Variants in CALN1 observed in about 807,000 individuals in gnomAD.
The protein encoded by CALN1 is calcium-binding protein 8.
Under a neutral mutation model 30.6 loss-of-function variants are expected in CALN1, and 17 were observed. That is an observed-to-expected ratio of 0.56 (90% CI 0.38 to 0.83). The LOEUF is 0.83. CALN1 is among the 40% of genes least tolerant of loss of function. CALN1 has a pLI of 0.00. For missense variants in CALN1, 291 were observed against 354.9 expected, an observed-to-expected ratio of 0.82 and a Z score of 1.45; for synonymous variants, 156 against 131.4, an observed-to-expected ratio of 1.19 and a Z score of -1.28.
At chr7:72,475,437 C>T in the CALN1 span, among the ~76,000 whole-genome samples, 2 of 151,932 alleles carry the variant, frequency 1.3e-5, no homozygotes. Context: ...CCGGCCTGGG[C>T]GACAGAGTGA....
Position 71,935,019 on chromosome 7 carries a change from G to A in CALN1, c.501+88638C>T, listed in dbSNP as rs116642787. ...CCCTCCAACAACACATGGAAATTAT[G>A]GGAGCTATAATTCAAGATGAGATTT... On this transcript the variant is annotated intron_variant, in intron 5 of 6. Coordinates refer to ENST00000395275, the MANE Select transcript of CALN1 (RefSeq NM_031468.4). Among the ~76,000 whole-genome samples the A allele has an allele frequency of 4.8e-3, 738 of 152,266 alleles. 10 individuals are homozygous for A. Among genetic ancestry groups the A allele is most frequent in the African/African-American group, 0.017 (690 of 41,554 alleles).
intron 3 of CALN1, among the ~76,000 whole-genome samples, chr7:72,111,115 T>C (rs193200948): frequency 7.2e-5 from 11 of 152,348 alleles, no homozygotes; most frequent in Middle Eastern, 3.4e-3. Context: ...AATTAAACTT[T>C]ACTCCTCCAT....
At chr7:72,421,674 C>A (rs1199237266) in intron 1 of CALN1, among the ~76,000 whole-genome samples, 1 of 150,636 alleles carries the variant, frequency 6.6e-6, no homozygotes, top group Non-Finnish European at 1.5e-5. Context: ...ACAACCTCCG[C>A]CTCACAGGTT....
intron 4 of CALN1, among the ~76,000 whole-genome samples, chr7:72,075,392 G>GA (rs1486144667): frequency 6.6e-6 from 1 of 152,228 alleles, no homozygotes; most frequent in African/African-American, 2.4e-5. Context: ...CAATCAGGCT[G>GA]AAAGTTAAAA....
At chr7:71,864,732 T>C (rs1360934157) in intron 5 of CALN1, among the ~76,000 whole-genome samples, 1 of 152,188 alleles carries the variant, frequency 6.6e-6, no homozygotes, top group East Asian at 1.9e-4. Context: ...CCAGGTGTGG[T>C]AGCTCACGCC....
rs964653107 is a variant in CALN1, at chr7:71,937,792, T to C, written c.501+85865A>G. 5.3e-5 allele frequency among the ~76,000 whole-genome samples: 8 copies of C among 152,302 alleles called. No homozygotes were observed. In the East Asian group the frequency reaches 1.3e-3, roughly 26 times the overall value. On this transcript the variant is annotated intron_variant, in intron 5 of 6. Coordinates refer to ENST00000395275, the MANE Select transcript of CALN1 (RefSeq NM_031468.4). Reference sequence around the variant, plus strand: ...CTGCACCTGCCAACTCTTTAAATATTTGAAGGCTGTAGCCATACCTTCTTC... The same window carrying C: ...CTGCACCTGCCAACTCTTTAAATATCTGAAGGCTGTAGCCATACCTTCTTC...
intron 5 of CALN1, among the ~76,000 whole-genome samples, chr7:71,984,096 A>T (rs1293286379): frequency 6.6e-6 from 1 of 152,216 alleles, no homozygotes; most frequent in African/African-American, 2.4e-5. Context: ...CTCTCTTACA[A>T]AGGAGGAAAG....
intron 3 of CALN1, among the ~76,000 whole-genome samples, chr7:72,268,674 G>A (rs1244633755): frequency 1.3e-5 from 2 of 151,992 alleles, no homozygotes; most frequent in African/African-American, 2.4e-5. Context: ...ACATGCACCT[G>A]TAGTCCTAGC....
the CALN1 span, among the ~76,000 whole-genome samples, chr7:72,469,836 G>A: frequency 6.6e-6 from 1 of 152,096 alleles, no homozygotes; most frequent in Non-Finnish European, 1.5e-5. Flanking sequence ...CCCAGTCAAG[G>A]GTAGGTGACT....
At chr7:71,839,662 G>A (rs207468069) in intron 5 of CALN1, among the ~76,000 whole-genome samples, 1 of 152,174 alleles carries the variant, frequency 6.6e-6, no homozygotes, top group Non-Finnish European at 1.5e-5. Context: ...GCCAGAAGGA[G>A]TCTGAGACCA....
intron 5 of CALN1, among the ~76,000 whole-genome samples, chr7:71,881,976 G>A (rs561253594): frequency 3.9e-5 from 6 of 152,224 alleles, no homozygotes; most frequent in East Asian, 1.9e-4. Flanking sequence ...GGGAGGCTGG[G>A]ATAGGAGGAT....
chr7:71,861,275 A>T (rs1389672798), intron 5 of CALN1, among the ~76,000 whole-genome samples: 3 of 152,110 alleles, frequency 2.0e-5, no homozygotes, highest in African/African-American at 4.8e-5. Context: ...CACCAAACTG[A>T]GTGTGCAAAA....
chr7:72,319,094 C>T (rs1800696097), intron 2 of CALN1, among the ~76,000 whole-genome samples: 1 of 152,124 alleles, frequency 6.6e-6, no homozygotes, highest in Non-Finnish European at 1.5e-5. Context: ...TATGTTTATC[C>T]AAGCACTATT....
At chr7:72,402,336 T>C (rs1259205413) in intron 2 of CALN1, among the ~76,000 whole-genome samples, 3 of 152,202 alleles carry the variant, frequency 2.0e-5, no homozygotes, top group African/African-American at 7.2e-5. Context: ...CATCAGGAGC[T>C]CTAGTCACCA....
intron 2 of CALN1, among the ~76,000 whole-genome samples, chr7:72,369,429 C>G (rs898806174): frequency 3.3e-5 from 5 of 150,426 alleles, no homozygotes; most frequent in African/African-American, 9.8e-5. Context: ...AGTGGCAATC[C>G]CTGCTCACCT....
intron 3 of CALN1, among the ~76,000 whole-genome samples, chr7:72,174,923 T>C (rs898543178): frequency 1.8e-5 from 2 of 112,886 alleles, no homozygotes; most frequent in African/African-American, 6.8e-5. Context: ...CTCAATATAA[T>C]CAATTTTTTT....
At chr7:72,382,949 C>G (rs968301306) in intron 2 of CALN1, among the ~76,000 whole-genome samples, 2 of 152,154 alleles carry the variant, frequency 1.3e-5, no homozygotes, top group Non-Finnish European at 2.9e-5. Context: ...CCTCTACGCC[C>G]AGCTAATTTT....
chr7:72,359,385 CT>C (rs1365059679), intron 2 of CALN1, among the ~76,000 whole-genome samples: 47 of 152,322 alleles, frequency 3.1e-4, no homozygotes, highest in African/African-American at 1.0e-3. Context: ...AGTATTGTAA[CT>C]TTCTTGCGTT....
intron 5 of CALN1, among the ~76,000 whole-genome samples, chr7:71,863,344 G>A (rs1016943159): frequency 1.3e-5 from 2 of 151,812 alleles, no homozygotes; most frequent in Non-Finnish European, 2.9e-5. Context: ...GATCACCCGA[G>A]GTGAGGAGTT....
Sources: allele counts gnomAD v4.1 joint callset (sites outside exome capture counted in the v4.1 genomes callset), GRCh38; gene constraint gnomAD v4.1.1; transcripts MANE v1.5; gene names NCBI Gene and HGNC (gene_info 2026-07-23, HGNC 2026-07-21).